DUXA: variants seen among roughly 807,000 people sequenced by gnomAD.
The protein encoded by DUXA is double homeobox A, also known as double homeobox protein A.
Under a neutral mutation model 27.5 loss-of-function variants are expected in DUXA, and 25 were observed. The observed-to-expected ratio is 0.91, with a 90% CI of 0.66 to 1.27. The LOEUF (loss-of-function observed/expected upper bound fraction) is 1.27, where lower values mean the gene tolerates loss of function less well. Among genes scored for constraint, DUXA ranks in the 50% most tolerant of loss-of-function variants. The pLI is 0.00. For missense variants in DUXA, 247 were observed against 242.9 expected (o/e 1.02, Z -0.11); for synonymous variants, 90 against 80.5 (o/e 1.12, Z -0.63).
chr19:57,167,354 C>G, intron 1 of DUXA, 65 bp downstream of exon 1: 1 of 1,600,752 alleles, frequency 6.2e-7, no homozygotes, highest in Non-Finnish European at 8.5e-7. Context: ...GACAAGACCA[C>G]TGGGTTTTTA....
At chr19:57,154,583 A>G in intron 5 of DUXA, 101 bp from the exon 6 acceptor site, 1 of 789,458 alleles carries the variant, frequency 1.3e-6, no homozygotes, top group Non-Finnish European at 1.9e-6. Context: ...TTTTTTTTTT[A>G]GACGGAGTCT....
At position 57,161,598 on chromosome 19, in the gene DUXA, GGGT is replaced by G. The variant is rs1161250306; in HGVS notation, c.26-804_26-802del. ...AGATTGCGCCACTGCACTCCAGCCT[GGGT>G]GACAGAGCGAGACTCCGTCTCAAAA... On this transcript the variant is annotated intron_variant, in intron 1 of 5. Transcript: ENST00000554048. Among the ~76,000 whole-genome samples the G allele has an allele frequency of 4.6e-5, 7 of 151,530 alleles. 1 individual carries two copies. The highest frequency in any genetic ancestry group is 1.7e-4 in the African/African-American group (7 of 41,274).
At chr19:57,165,689 C>T (rs1445368285) in intron 1 of DUXA, among the ~76,000 whole-genome samples, 1 of 150,848 alleles carries the variant, frequency 6.6e-6, no homozygotes, top group Non-Finnish European at 1.5e-5. Flanking sequence ...TCTGTAGTCC[C>T]AGCTACTCGG....
Position 57,154,143 on chromosome 19 carries a change from T to G in DUXA, c.*269A>C. 17 of 347,732 alleles carry G rather than the reference T, an allele frequency of 4.9e-5. No homozygotes were observed. Among genetic ancestry groups the G allele is most frequent in the East Asian group, 1.9e-4 (3 of 15,776 alleles). The allele number at this position is 347,732 out of a possible 1,614,324, so 21.5% of individuals were successfully genotyped here. On this transcript the variant is annotated 3_prime_UTR_variant, in exon 6 of 6. Coordinates refer to ENST00000554048, the MANE Select transcript of DUXA (RefSeq NM_001012729.2). ...ACCCGTCTCTGCCTCCTACAGTCCT[T>G]TTCATTTATTTTGTTTTTTTATAAT... is the stretch of plus-strand genomic sequence containing the variant.
At chr19:57,155,589 C>G (rs1401924635) in intron 4 of DUXA, among the ~76,000 whole-genome samples, 3 of 151,262 alleles carry the variant, frequency 2.0e-5, no homozygotes, top group Non-Finnish European at 4.4e-5. Flanking sequence ...AACTTCTGAG[C>G]ACAACCAATC....
chr19:57,164,438 G>A (rs1172886329), intron 1 of DUXA, among the ~76,000 whole-genome samples: 2 of 152,130 alleles, frequency 1.3e-5, no homozygotes, highest in African/African-American at 4.8e-5. Context: ...AGCCAGGCAT[G>A]GTGGTGCATA....
At position 57,154,865 on chromosome 19, in the gene DUXA, C is replaced by G. The variant is rs1327747627; in HGVS notation, c.545-383G>C. ...GGCGTGAGCCTCCATGCCCAGCCCC[C>G]ACCTTTTCAATCCAATATGGAACCT... On this transcript the variant is annotated intron_variant, in intron 5 of 5. Transcript: ENST00000554048. Among the ~76,000 whole-genome samples, 4 of 152,312 alleles carry G rather than the reference C, an allele frequency of 2.6e-5. No homozygotes were observed. The East Asian group carries it at 5.8e-4, about 22-fold the overall frequency.
At chr19:57,156,757 C>T (rs2086995005) in intron 4 of DUXA, among the ~76,000 whole-genome samples, 1 of 151,988 alleles carries the variant, frequency 6.6e-6, no homozygotes, top group Non-Finnish European at 1.5e-5. Flanking sequence ...CTCCGCCTCC[C>T]GGGTTCAAGC....
At chr19:57,160,131 G>T (rs1413013047) in intron 2 of DUXA, among the ~76,000 whole-genome samples, 2 of 152,202 alleles carry the variant, frequency 1.3e-5, no homozygotes, top group East Asian at 3.9e-4. Flanking sequence ...AGCTGTGGTG[G>T]CACATGCCTA....
chr19:57,161,459 T>TA (rs571508751), intron 1 of DUXA, among the ~76,000 whole-genome samples: 1 of 147,498 alleles, frequency 6.8e-6, no homozygotes, highest in African/African-American at 2.6e-5. Flanking sequence ...CCGTCTCTAC[T>TA]AAAAATACAA....
intron 2 of DUXA, 141 bp from the exon 3 acceptor site, chr19:57,159,419 T>C: frequency 1.3e-6 from 1 of 787,304 alleles, no homozygotes; most frequent in South Asian, 1.9e-5. Flanking sequence ...CCAAGTCCTT[T>C]TTTTTCTTTT....
intron 4 of DUXA, among the ~76,000 whole-genome samples, chr19:57,155,647 A>AGATAGATAGATAGATAGATAGAT (rs1555757945): frequency 2.6e-4 from 5 of 19,186 alleles, no homozygotes; most frequent in Non-Finnish European, 3.4e-4. Flanking sequence ...GCCCAACCCA[A>AGATAGATAGATAGATAGATAGAT]GATAGATAGA....
At chr19:57,160,918 T>C (rs549182300) in intron 1 of DUXA, 121 bp from the exon 2 acceptor site, 2 of 1,108,774 alleles carry the variant, frequency 1.8e-6, no homozygotes, top group East Asian at 2.4e-5. Context: ...CCAGGAGAAC[T>C]ACCCTCATAC....
At chr19:57,165,832 AT>A (rs1031185650) in intron 1 of DUXA, among the ~76,000 whole-genome samples, 10 of 150,484 alleles carry the variant, frequency 6.6e-5, no homozygotes, top group Non-Finnish European at 1.5e-4. Flanking sequence ...GCCAGACCCT[AT>A]TCTAGGCACC....
chr19:57,167,344 G>A (rs1266772695), intron 1 of DUXA, 75 bp downstream of exon 1: 1 of 1,583,418 alleles, frequency 6.3e-7, no homozygotes, highest in East Asian at 2.2e-5. Context: ...CACAACTTCT[G>A]ACAAGACCAC....
intron 4 of DUXA, among the ~76,000 whole-genome samples, chr19:57,157,462 G>C (rs951639662): frequency 6.6e-6 from 1 of 152,010 alleles, no homozygotes; most frequent in Non-Finnish European, 1.5e-5. Flanking sequence ...CTGCCAAGTA[G>C]CTGGGACAAC....
intron 1 of DUXA, among the ~76,000 whole-genome samples, chr19:57,165,026 A>G (rs142839274): frequency 2.0e-5 from 3 of 152,254 alleles, no homozygotes; most frequent in Non-Finnish European, 2.9e-5. Context: ...CAAAAGAAAA[A>G]TGTCTTAGTA....
chr19:57,166,007 T>C (rs556469602), intron 1 of DUXA, among the ~76,000 whole-genome samples: 16 of 151,692 alleles, frequency 1.1e-4, no homozygotes, highest in Admixed American at 9.9e-4. Flanking sequence ...CTAAGTGCAA[T>C]AGTTAGGGAT....
rs140495661 is a variant in DUXA, at chr19:57,164,722, T to C, written c.25+2697A>G. 7.1e-3 allele frequency among the ~76,000 whole-genome samples: 1,087 copies of C among 152,328 alleles called. 40 individuals are homozygous for C. Among genetic ancestry groups the C allele is most frequent in the Admixed American group, 0.062 (951 of 15,292 alleles). On this transcript the variant is annotated intron_variant, in intron 1 of 5. Transcript: ENST00000554048. ...GTTTTATGCTAGCAATTCAAATAAT[T>C]ACATACATCCTTCTTTTCCAGACAA... is the stretch of plus-strand genomic sequence containing the variant.
Sources: allele counts gnomAD v4.1 joint callset (sites outside exome capture counted in the v4.1 genomes callset), GRCh38; gene constraint gnomAD v4.1.1; transcripts MANE v1.5; gene names NCBI Gene and HGNC (gene_info 2026-07-23, HGNC 2026-07-21).